BCL11A: variants seen among roughly 807,000 people sequenced by gnomAD.
BCL11A encodes B cell CLL/lymphoma 11A.
In BCL11A, 2 loss-of-function variants were observed where a neutral mutation model predicts 55.9. That is an observed-to-expected ratio of 0.04 (90% confidence interval 0.01 to 0.11). The LOEUF is 0.11. Ranked by LOEUF, BCL11A falls within the 10% of genes least tolerant of loss-of-function variation. The pLI, the probability that BCL11A is intolerant of heterozygous loss-of-function variation, is 1.00. For missense variants in BCL11A, 817 were observed against 1,137.1 expected (o/e 0.72, Z 4.05); for synonymous variants, 465 against 473.4 (o/e 0.98, Z 0.23).
exon 5 of BCL11A, chr2:60,451,452 A>G (rs963054878): frequency 4.3e-6 from 1 of 230,124 alleles, no homozygotes; most frequent in Non-Finnish European, 8.6e-6. Flanking sequence ...GGCCAGAAAG[A>G]ATTTTTACCA....
At chr2:60,496,775 C>T (rs1230986678) in intron 2 of BCL11A, among the ~76,000 whole-genome samples, 1 of 50,690 alleles carries the variant, frequency 2.0e-5, no homozygotes, top group African/African-American at 5.3e-5. Context: ...ACTGTGAGTG[C>T]TCTCTCTCTC....
At chr2:60,521,104 CA>C (rs369543688) in intron 2 of BCL11A, among the ~76,000 whole-genome samples, 2 of 32,010 alleles carry the variant, frequency 6.2e-5, no homozygotes, top group Non-Finnish European at 1.8e-4. Flanking sequence ...CACACACTCA[CA>C]CACACACACA....
intron 2 of BCL11A, among the ~76,000 whole-genome samples, chr2:60,485,990 T>C (rs1343921534): frequency 6.6e-6 from 1 of 152,152 alleles, no homozygotes; most frequent in Admixed American, 6.5e-5. Flanking sequence ...TCTGCTCTGG[T>C]TCTCCTCTCC....
intron 3 of BCL11A, among the ~76,000 whole-genome samples, chr2:60,462,720 C>A (rs1189107757): frequency 1.3e-5 from 2 of 152,216 alleles, no homozygotes; most frequent in African/African-American, 4.8e-5. Flanking sequence ...ATTCTAGGCA[C>A]CTCAACAAAT....
intron 2 of BCL11A, among the ~76,000 whole-genome samples, chr2:60,495,083 C>T (rs1026534188): frequency 3.3e-5 from 5 of 152,264 alleles, no homozygotes; most frequent in African/African-American, 4.8e-5. Flanking sequence ...GGAGTCCACA[C>T]GGCATGGCAT....
At position 60,515,128 on chromosome 2, in the gene BCL11A, C is replaced by T. The variant is rs576714509; in HGVS notation, c.385+30843G>A. Among the ~76,000 whole-genome samples the T allele has an allele frequency of 1.7e-3, 260 of 152,348 alleles. 1 individual carries two copies. The highest frequency in any genetic ancestry group is 3.1e-3 in the Admixed American group (48 of 15,308). Reference sequence around the variant, plus strand: ...TCCCCCACGTGCTCCTTCCCCAACACTGGCTTCCAGGTGAGCGAGACAGAA... The same window carrying T: ...TCCCCCACGTGCTCCTTCCCCAACATTGGCTTCCAGGTGAGCGAGACAGAA... On this transcript the variant is annotated intron_variant, in intron 2 of 3. Coordinates refer to ENST00000642384, the MANE Select transcript of BCL11A (RefSeq NM_022893.4).
chr2:60,477,367 C>A (rs1205856575), intron 2 of BCL11A, among the ~76,000 whole-genome samples: 1 of 152,188 alleles, frequency 6.6e-6, no homozygotes, highest in African/African-American at 2.4e-5. Context: ...TGCATCAACT[C>A]ACAACAAATG....
chr2:60,502,137 C>G (rs1357566803), intron 2 of BCL11A, among the ~76,000 whole-genome samples: 2 of 152,098 alleles, frequency 1.3e-5, no homozygotes, highest in Non-Finnish European at 2.9e-5. Context: ...AACAATGCAA[C>G]TCAAGACTAT....
At chr2:60,491,829 G>A (rs1004048507) in intron 2 of BCL11A, among the ~76,000 whole-genome samples, 6 of 152,256 alleles carry the variant, frequency 3.9e-5, no homozygotes, top group African/African-American at 9.6e-5. Flanking sequence ...AGGCACAGAC[G>A]TTTTCCATGT....
At chr2:60,482,644 T>C (rs1168536912) in intron 2 of BCL11A, among the ~76,000 whole-genome samples, 1 of 152,192 alleles carries the variant, frequency 6.6e-6, no homozygotes, top group Non-Finnish European at 1.5e-5. Context: ...TAATTAAGTA[T>C]CACCCAACCC....
At chr2:60,505,348 A>G (rs1679526131) in intron 2 of BCL11A, among the ~76,000 whole-genome samples, 1 of 152,048 alleles carries the variant, frequency 6.6e-6, no homozygotes, top group Admixed American at 6.6e-5. Context: ...CAGTAATAAC[A>G]GCCCCAAAAG....
intron 2 of BCL11A, chr2:60,528,364 C>T (rs1449980721): frequency 2.0e-5 from 3 of 152,484 alleles, no homozygotes; most frequent in Admixed American, 2.0e-4. Context: ...AAACCTCCTC[C>T]CTCTGTTTCT....
At chr2:60,545,259 A>G (rs1296494096) in intron 2 of BCL11A, 3 of 152,272 alleles carry the variant, frequency 2.0e-5, no homozygotes, top group African/African-American at 4.8e-5. Context: ...GAAATTTCCA[A>G]CATGCCCTTA....
chr2:60,520,970 C>A (rs1020933581), intron 2 of BCL11A, among the ~76,000 whole-genome samples: 4 of 152,034 alleles, frequency 2.6e-5, no homozygotes, highest in Non-Finnish European at 5.9e-5. Flanking sequence ...GTCAACCCAG[C>A]ATGATAAAAC....
At position 60,531,619 on chromosome 2, in the gene BCL11A, A is replaced by G. The variant is rs112885663; in HGVS notation, c.385+14352T>C. On this transcript the variant is annotated intron_variant, in intron 2 of 3. Transcript: ENST00000642384. The stretch of plus-strand genomic sequence containing the variant: ...GTCCAGCCAATGAAACTTGCTCCAT[A>G]CACTTTGGCAGGACTCAGACCAACC... Among the ~76,000 whole-genome samples the G allele has an allele frequency of 2.1e-3, 320 of 152,298 alleles. 1 individual carries two copies. Among genetic ancestry groups the G allele is most frequent in the African/African-American group, 7.4e-3 (308 of 41,548 alleles).
At chr2:60,498,992 G>A (rs140395592) in intron 2 of BCL11A, among the ~76,000 whole-genome samples, 15 of 152,322 alleles carry the variant, frequency 9.8e-5, no homozygotes, top group African/African-American at 3.4e-4. Context: ...CAGGGCCAGT[G>A]TTTCTTCTTC....
At chr2:60,474,764 A>T (rs1677426054) in intron 2 of BCL11A, among the ~76,000 whole-genome samples, 2 of 152,156 alleles carry the variant, frequency 1.3e-5, no homozygotes. Flanking sequence ...TCATTCAACA[A>T]ATATTTACCG....
At chr2:60,498,514 G>A (rs950421785) in intron 2 of BCL11A, among the ~76,000 whole-genome samples, 2 of 152,200 alleles carry the variant, frequency 1.3e-5, no homozygotes, top group African/African-American at 2.4e-5. Flanking sequence ...GAAGGCAATG[G>A]GCTGCCCCAT....
At position 60,507,237 on chromosome 2, in the gene BCL11A, AGGGAGGGAGGGGAGGGGAG is replaced by A. The variant is rs1558652622; in HGVS notation, c.386-38423_386-38405del. 2.7e-4 allele frequency among the ~76,000 whole-genome samples: 10 copies of A among 37,494 alleles called. 1 individual carries two copies. The highest frequency in any genetic ancestry group is 3.7e-4 in the Non-Finnish European group (8 of 21,652). 24.6% of individuals were successfully genotyped at this position (37,494 alleles called of 152,430 possible). On this transcript the variant is annotated intron_variant, in intron 2 of 3. Transcript: ENST00000642384. ...AAGGAAGGAAGGAAGGAAGGAAGGG[AGGGAGGGAGGGGAGGGGAG>A]GGGAGGGGAGGGGAGGGGAGGGGAG...
Sources: allele counts gnomAD v4.1 joint callset (sites outside exome capture counted in the v4.1 genomes callset), GRCh38; gene constraint gnomAD v4.1.1; transcripts MANE v1.5; gene names NCBI Gene and HGNC (gene_info 2026-07-23, HGNC 2026-07-21).